Variants in BBX observed in about 807,000 individuals in gnomAD.
BBX encodes the protein BBX high mobility group box domain containing.
In BBX, 30 loss-of-function variants were observed where a neutral mutation model predicts 100.2. The ratio of observed to expected loss-of-function variants is 0.30; its 90% CI spans 0.22 to 0.41. The LOEUF is 0.41. BBX is among the 10% of genes least tolerant of loss of function. The probability of loss-of-function intolerance (pLI) is 1.00; values close to 1 mark genes in which losing one functional copy is unlikely to be tolerated. For missense variants in BBX, 1,023 were observed against 1,129.8 expected (o/e 0.91, Z 1.35); for synonymous variants, 376 against 388.1 (o/e 0.97, Z 0.37).
chr3:107,723,720 T>A (rs1479631843), intron 5 of BBX, among the ~76,000 whole-genome samples: 1 of 152,146 alleles, frequency 6.6e-6, no homozygotes, highest in Non-Finnish European at 1.5e-5. Flanking sequence ...TTCATCCATG[T>A]CCCTACAAAG....
intron 17 of BBX, among the ~76,000 whole-genome samples, chr3:107,802,628 T>G (rs1459315510): frequency 1.3e-5 from 2 of 152,158 alleles, no homozygotes; most frequent in African/African-American, 4.8e-5. Context: ...AATTCAAGGG[T>G]AGGAAAAGGC....
chr3:107,790,902 C>A (rs2068950211), intron 14 of BBX, among the ~76,000 whole-genome samples: 1 of 151,950 alleles, frequency 6.6e-6, no homozygotes, highest in Non-Finnish European at 1.5e-5. Context: ...ATTATTTTTT[C>A]TTCTGCTTAC....
At position 107,728,841 on chromosome 3, in the gene BBX, C is replaced by G; in HGVS notation, c.482C>G (p.Thr161Arg). Residue 161 changes from threonine to arginine, a missense_variant, in exon 6 of 18, where the codon ACA (threonine) becomes AGA (arginine). Thr to Arg is a moderately conservative substitution (Grantham distance 71, BLOSUM62 -1). Transcript: ENST00000325805. Reference protein sequence around the residue: ...PTTNKPVKSPTPTVNPRKKLW... With the variant: ...PTTNKPVKSPRPTVNPRKKLW... Reference sequence around the variant, plus strand: ...ACAAACAAGCCTGTGAAATCCCCAACACCCACTGTCAATCCACGAAAGAAA... The same window carrying G: ...ACAAACAAGCCTGTGAAATCCCCAAGACCCACTGTCAATCCACGAAAGAAA... 2 of 1,613,926 alleles carry G rather than the reference C, an allele frequency of 1.2e-6. No homozygotes were observed. The highest frequency in any genetic ancestry group is 1.7e-6 in the Non-Finnish European group (2 of 1,179,842).
intron 9 of BBX, among the ~76,000 whole-genome samples, chr3:107,754,492 G>T (rs2065320782): frequency 6.6e-6 from 1 of 152,254 alleles, no homozygotes; most frequent in Admixed American, 6.5e-5. Flanking sequence ...ACTTCCTTAA[G>T]CTAGGCCCTT....
At chr3:107,534,699 T>A (rs1412190464) in intron 2 of BBX, among the ~76,000 whole-genome samples, 1 of 152,230 alleles carries the variant, frequency 6.6e-6, no homozygotes, top group Non-Finnish European at 1.5e-5. Flanking sequence ...ATAAATGAGC[T>A]TGAGACTTAT....
intron 17 of BBX, among the ~76,000 whole-genome samples, 175 bp downstream of exon 17, chr3:107,801,456 G>A (rs1010570817): frequency 3.9e-5 from 6 of 152,182 alleles, no homozygotes; most frequent in African/African-American, 9.7e-5. Flanking sequence ...GAAAATACCA[G>A]GGAATATAGT....
chr3:107,759,083 A>C (rs980825849), intron 10 of BBX, among the ~76,000 whole-genome samples: 2 of 152,152 alleles, frequency 1.3e-5, no homozygotes, highest in Non-Finnish European at 2.9e-5. Flanking sequence ...AACAAAAAAA[A>C]CTGGGGGAAA....
At chr3:107,538,751 C>T (rs1208978057) in intron 2 of BBX, among the ~76,000 whole-genome samples, 2 of 151,860 alleles carry the variant, frequency 1.3e-5, no homozygotes, top group Non-Finnish European at 2.9e-5. Context: ...TGAAAAGGAT[C>T]AGAGGAACAC....
chr3:107,587,991 C>T (rs902856147), intron 2 of BBX, among the ~76,000 whole-genome samples: 1 of 152,174 alleles, frequency 6.6e-6, no homozygotes, highest in Admixed American at 6.5e-5. Context: ...AAAACTAGTA[C>T]AAGAGTCACG....
intron 4 of BBX, among the ~76,000 whole-genome samples, chr3:107,715,266 C>T (rs935107391): frequency 6.6e-6 from 1 of 152,146 alleles, no homozygotes; most frequent in Non-Finnish European, 1.5e-5. Flanking sequence ...GATACAAATT[C>T]TCAGGACCCA....
At chr3:107,590,452 T>C (rs1389307551) in intron 2 of BBX, among the ~76,000 whole-genome samples, 4 of 152,204 alleles carry the variant, frequency 2.6e-5, no homozygotes. Flanking sequence ...AGTCACCCTA[T>C]TGTGCTTTCG....
chr3:107,608,586 T>C (rs777449219), intron 2 of BBX, among the ~76,000 whole-genome samples: 2 of 152,178 alleles, frequency 1.3e-5, no homozygotes, highest in Non-Finnish European at 2.9e-5. Flanking sequence ...GAATTTTTTT[T>C]CTATTTCTGT....
rs573279667 is a variant in BBX, at chr3:107,717,176, A to G, written c.405+327A>G. Among the ~76,000 whole-genome samples, 3 of 152,182 alleles carry G rather than the reference A, an allele frequency of 2.0e-5. No homozygotes were observed. The South Asian group carries it at 6.2e-4, about 32-fold the overall frequency. ...GTTTACAGTGAATGGTGATTTGTTT[A>G]TTTATCATGGTAATTTATTGTGAAT... On this transcript the variant is annotated intron_variant, in intron 5 of 17. Transcript: ENST00000325805.
At chr3:107,563,872 C>T (rs2050688147) in intron 2 of BBX, among the ~76,000 whole-genome samples, 1 of 152,140 alleles carries the variant, frequency 6.6e-6, no homozygotes, top group South Asian at 2.1e-4. Context: ...AGCACATTTT[C>T]TCGACTTTCA....
intron 3 of BBX, among the ~76,000 whole-genome samples, chr3:107,685,547 G>T (rs1170724216): frequency 6.6e-6 from 1 of 152,192 alleles, no homozygotes; most frequent in Non-Finnish European, 1.5e-5. Flanking sequence ...GCTCTCGCCA[G>T]TGATGCATCT....
intron 2 of BBX, among the ~76,000 whole-genome samples, chr3:107,557,727 T>A (rs2107459031): frequency 6.6e-6 from 1 of 152,358 alleles, no homozygotes; most frequent in South Asian, 2.1e-4. Flanking sequence ...GAGTAGATAT[T>A]AAAGCTCTAT....
At chr3:107,795,226 CAA>C (rs1424910453) in intron 15 of BBX, among the ~76,000 whole-genome samples, 1 of 152,176 alleles carries the variant, frequency 6.6e-6, no homozygotes, top group East Asian at 1.9e-4. Context: ...CCCTCACCAC[CAA>C]GCTTTTGTCT....
intron 15 of BBX, among the ~76,000 whole-genome samples, chr3:107,793,607 ACCT>A (rs2069287380): frequency 6.6e-6 from 1 of 152,086 alleles, no homozygotes; most frequent in African/African-American, 2.4e-5. Flanking sequence ...TTGAAACTTC[ACCT>A]TGGAGAGGGT....
At chr3:107,720,758 A>G (rs1218280084) in intron 5 of BBX, among the ~76,000 whole-genome samples, 1 of 152,004 alleles carries the variant, frequency 6.6e-6, no homozygotes, top group African/African-American at 2.4e-5. Context: ...ACAAAACTCC[A>G]TGGGTTTTTT....
Sources: gnomAD v4.1 joint callset for allele counts (sites outside exome capture counted in the v4.1 genomes callset) on GRCh38, gnomAD v4.1.1 for gene constraint, MANE v1.5 for transcripts, NCBI Gene and HGNC (gene_info 2026-07-23, HGNC 2026-07-21) for gene names.